The following MGAM variants were observed in gnomAD, a reference collection of about 807,000 sequenced individuals.
The protein encoded by MGAM is alpha-1,4-glucosidase.
Under a neutral mutation model 358.8 loss-of-function variants are expected in MGAM, and 253 were observed. The observed-to-expected ratio is 0.71, with a 90% confidence interval of 0.64 to 0.78. The LOEUF (loss-of-function observed/expected upper bound fraction) is 0.78. Among genes scored for constraint, MGAM ranks in the 30% least tolerant of loss-of-function variants. MGAM has a pLI of 0.00. For synonymous variants in MGAM, 1,105 were observed against 1,227.1 expected, an observed-to-expected ratio of 0.90 and a Z score of 2.08; for missense variants, 3,080 against 3,432.6, an observed-to-expected ratio of 0.90 and a Z score of 2.57.
At chr7:142,076,896 A>T (rs1450561357) in intron 47 of MGAM, 70 bp downstream of exon 47, 2 of 1,471,120 alleles carry the variant, frequency 1.4e-6, no homozygotes, top group Non-Finnish European at 1.9e-6. Flanking sequence ...CTTCTTGCCA[A>T]GTTTGCATGG....
At position 142,030,469 on chromosome 7, in the gene MGAM, T is replaced by C. The variant is rs1554462924; in HGVS notation, c.1329T>C (p.Asn443=). The C allele has an allele frequency of 3.1e-6, 5 of 1,613,714 alleles. No homozygotes were observed. Among genetic ancestry groups the C allele is most frequent in the South Asian group, 1.1e-5 (1 of 91,076 alleles). ...AATTTGTCAACGAGTTACACAATAA[T>C]GGACAGAAGCTTGTCATCATTGTGG... ...FPEFVNELHN[N]GQKLVIIVDP... The change falls in exon 11 of 71, where the codon AAT becomes AAC. Residue 443 remains asparagine (N), a synonymous_variant. Coordinates refer to ENST00000475668, the MANE Select transcript of MGAM (RefSeq NM_001365693.1).
Position 142,086,250 on chromosome 7 carries a change from C to T in MGAM, c.6669C>T (p.Pro2223=), listed in dbSNP as rs761051938. ...DPAISGNETQ[P]YPAFTRGVED... is the part of the protein sequence containing the mutation. ...CCATTTCTGGCAATGAGACACAGCC[C>T]TATCCTGCCTTCACTCGGGGCGTGG... Residue 2223 remains proline, a synonymous_variant, in exon 56 of 71, where the codon CCC becomes CCT. Coordinates refer to ENST00000475668, the MANE Select transcript of MGAM (RefSeq NM_001365693.1). 5.7e-5 allele frequency: 88 copies of T among 1,543,614 alleles called. 13 individuals carry two copies. Among genetic ancestry groups the T allele is most frequent in the Middle Eastern group, 5.1e-4 (3 of 5,938 alleles).
chr7:142,087,300 A>T (rs1814849114), intron 57 of MGAM, among the ~76,000 whole-genome samples: 1 of 144,218 alleles, frequency 6.9e-6, no homozygotes, highest in South Asian at 2.2e-4. Flanking sequence ...TCTTCTGGGG[A>T]TGGTTTGTTG....
At chr7:142,044,228 A>G (rs1472640926) in intron 21 of MGAM, among the ~76,000 whole-genome samples, 2 of 141,116 alleles carry the variant, frequency 1.4e-5, no homozygotes, top group East Asian at 2.0e-4. Context: ...CATACGACAT[A>G]TAATATATAC....
upstream of MGAM, among the ~76,000 whole-genome samples, chr7:141,992,787 TG>T (rs1804004024): frequency 6.6e-6 from 1 of 152,148 alleles, no homozygotes; most frequent in African/African-American, 2.4e-5. Context: ...CTCCTTATGT[TG>T]CCCAGGCTGG....
In MGAM at chr7:142,052,315, G is replaced by A. The variant is rs747835199; in HGVS notation, c.2827G>A (p.Asp943Asn). 6.2e-7 allele frequency: 1 copy of A among 1,605,646 alleles called. No homozygotes were observed. The highest frequency in any genetic ancestry group is 8.5e-7 in the Non-Finnish European group (1 of 1,175,604). Residue 943 changes from aspartate to asparagine, a missense_variant, in exon 25 of 71, where the codon GAT becomes AAT. Coordinates refer to ENST00000475668, the MANE Select transcript of MGAM (RefSeq NM_001365693.1). ...ACAGGTTGCCATTATCACAGATATT[G>A]ATCTTCTCCTGGGAGAAGCATACAC... ...NLKVAIITDI[D>N]LLLGEAYTVE...
In MGAM at chr7:142,086,211, A is replaced by G. The variant is rs1235240440; in HGVS notation, c.6637-7A>G. 8 of 1,526,668 alleles carry G rather than the reference A, an allele frequency of 5.2e-6. 1 individual carries two copies. The highest frequency in any genetic ancestry group is 7.2e-6 in the Non-Finnish European group (8 of 1,115,886). 94.6% of individuals were successfully genotyped at this position (1,526,668 alleles called of 1,614,324 possible). ...TTTTTCCCAACTGACTTATGCTTTG[A>G]TTTCAGGATCCAGCCATTTCTGGCA... On this transcript the variant is annotated splice_polypyrimidine_tract_variant and splice_region_variant and intron_variant, in intron 55 of 70. Transcript: ENST00000475668.
intron 18 of MGAM, 119 bp downstream of exon 18, chr7:142,037,096 C>A: frequency 9.9e-7 from 1 of 1,012,112 alleles, no homozygotes; most frequent in Non-Finnish European, 1.5e-6. Flanking sequence ...CTATCTGTAT[C>A]TATATCTGTA....
intron 40 of MGAM, among the ~76,000 whole-genome samples, 200 bp from the exon 41 acceptor site, chr7:142,066,373 T>C (rs182938465): frequency 6.8e-6 from 1 of 146,470 alleles, no homozygotes. Flanking sequence ...AAGAATGTCT[T>C]ACAGTGAAAT....
At chr7:142,014,233 G>T (rs114386598) in intron 3 of MGAM, among the ~76,000 whole-genome samples, 202 of 152,298 alleles carry the variant, frequency 1.3e-3, no homozygotes, top group African/African-American at 4.5e-3. Context: ...ACATTTTTCA[G>T]CAGTTCTGTA....
At chr7:142,050,893 A>G (rs1810887912) in intron 24 of MGAM, 29 bp downstream of exon 24, 2 of 1,612,940 alleles carry the variant, frequency 1.2e-6, no homozygotes, top group East Asian at 2.2e-5. Flanking sequence ...GAGATGGTAC[A>G]TTGAGAATTC....
At chr7:142,080,344 T>A (rs898081292) in intron 49 of MGAM, among the ~76,000 whole-genome samples, 8 of 146,448 alleles carry the variant, frequency 5.5e-5, no homozygotes, top group Non-Finnish European at 6.2e-5. Flanking sequence ...CAGGCAGGGA[T>A]GTAGTAGGTA....
chr7:142,093,666 A>G (rs1459860944), intron 60 of MGAM, 116 bp downstream of exon 60: 1 of 1,144,068 alleles, frequency 8.7e-7, no homozygotes, highest in East Asian at 2.7e-5. Context: ...GATTCTCATG[A>G]CAACTGTGTA....
In MGAM at chr7:142,030,637, T is replaced by C. The variant is rs782622229; in HGVS notation, c.1354-4T>C. ...TTTGTTCATTGTATTCTTCCTATTT[T>C]TAGGATCCAGCCATCTCCAACAACT... On this transcript the variant is annotated splice_region_variant and splice_polypyrimidine_tract_variant and intron_variant, in intron 11 of 70. Coordinates refer to ENST00000475668, the MANE Select transcript of MGAM (RefSeq NM_001365693.1). The C allele has an allele frequency of 3.1e-6, 5 of 1,609,244 alleles. No homozygotes were observed. In the East Asian group the frequency reaches 6.7e-5, roughly 22 times the overall value.
chr7:141,987,772 A>G (rs1554446492), intron 2 of MGAM, among the ~76,000 whole-genome samples: 1 of 152,212 alleles, frequency 6.6e-6, no homozygotes, highest in Non-Finnish European at 1.5e-5. Context: ...ATGAACAAAC[A>G]TTTAGTTTGA....
At chr7:142,093,658 T>G in intron 60 of MGAM, 108 bp downstream of exon 60, 2 of 1,194,204 alleles carry the variant, frequency 1.7e-6, no homozygotes, top group Non-Finnish European at 2.3e-6. Context: ...GTTAAGAAGA[T>G]TCTCATGACA....
At chr7:142,047,957 T>C in intron 22 of MGAM, 84 bp downstream of exon 22, 1 of 1,108,410 alleles carries the variant, frequency 9.0e-7, no homozygotes, top group Non-Finnish European at 1.3e-6. Flanking sequence ...CATTCAGCTG[T>C]GGGAGAAATC....
intron 66 of MGAM, among the ~76,000 whole-genome samples, chr7:142,098,568 A>T (rs1816154923): frequency 6.6e-6 from 1 of 152,126 alleles, no homozygotes; most frequent in Non-Finnish European, 1.5e-5. Context: ...TTCTCTTCTC[A>T]GTCCATTGGA....
intron 69 of MGAM, among the ~76,000 whole-genome samples, chr7:142,103,067 T>C (rs1816573529): frequency 6.6e-6 from 1 of 152,190 alleles, no homozygotes; most frequent in Non-Finnish European, 1.5e-5. Flanking sequence ...CGAAAGACCC[T>C]GTAGCTGCTT....
Sources: gnomAD v4.1 joint callset for allele counts (sites outside exome capture counted in the v4.1 genomes callset) on GRCh38, gnomAD v4.1.1 for gene constraint, MANE v1.5 for transcripts, NCBI Gene and HGNC (gene_info 2026-07-23, HGNC 2026-07-21) for gene names.